Variants in RYR2 observed in about 807,000 individuals in gnomAD.
RYR2 encodes cardiac muscle ryanodine receptor-calcium release channel.
In RYR2, 227 loss-of-function variants were observed where a neutral mutation model predicts 601.1. The observed-to-expected ratio is 0.38, with a 90% CI of 0.34 to 0.42. The LOEUF is 0.42. Ranked by LOEUF, RYR2 falls within the 10% of genes least tolerant of loss-of-function variation. The probability of loss-of-function intolerance (pLI) is 1.00; values close to 1 mark genes in which losing one functional copy is unlikely to be tolerated. For synonymous variants in RYR2, 2,223 were observed against 2,175.1 expected (o/e 1.02, Z -0.61); for missense variants, 4,646 against 6,156.5 (o/e 0.75, Z 8.21).
intron 3 of RYR2, among the ~76,000 whole-genome samples, chr1:237,331,906 T>C (rs1696787178): frequency 6.6e-6 from 1 of 152,202 alleles, no homozygotes; most frequent in South Asian, 2.1e-4. Context: ...GTGACTGATA[T>C]CTGGGCTGTT....
intron 1 of RYR2, among the ~76,000 whole-genome samples, chr1:237,071,933 G>T (rs537696725): frequency 6.6e-6 from 1 of 152,242 alleles, no homozygotes; most frequent in Non-Finnish European, 1.5e-5. Flanking sequence ...TATACAGCTG[G>T]CCAGGTCGCG....
At chr1:237,449,050 G>A (rs2150185053) in intron 14 of RYR2, among the ~76,000 whole-genome samples, 1 of 152,116 alleles carries the variant, frequency 6.6e-6, no homozygotes, top group South Asian at 2.1e-4. Context: ...GGATAAAGAG[G>A]AGATACACAC....
In RYR2 at chr1:237,771,993, A is replaced by G; in HGVS notation, c.11558-19A>G. 3.5e-6 allele frequency: 5 copies of G among 1,412,184 alleles called. No individual in the cohort carries two copies. The highest frequency in any genetic ancestry group is 4.9e-6 in the Non-Finnish European group (5 of 1,021,770). The allele number at this position is 1,412,184 out of a possible 1,614,324, so 87.5% of individuals were successfully genotyped here. ...GAACTTCTGAGCAAGCATTAATAACATTTTTTTATCTTGCATAGATTTTCA... is the reference window on the plus strand; with the variant it reads ...GAACTTCTGAGCAAGCATTAATAACGTTTTTTTATCTTGCATAGATTTTCA... On this transcript the variant is annotated intron_variant, in intron 85 of 104. Transcript: ENST00000366574.
intron 3 of RYR2, among the ~76,000 whole-genome samples, chr1:237,354,076 C>G (rs1699089222): frequency 1.3e-5 from 2 of 152,180 alleles, no homozygotes; most frequent in Non-Finnish European, 2.9e-5. Flanking sequence ...GTTAGTCAGT[C>G]TTTTAACCCT....
chr1:237,711,551 T>C (rs1481625537), intron 70 of RYR2, among the ~76,000 whole-genome samples, 194 bp from the exon 71 acceptor site: 1 of 152,234 alleles, frequency 6.6e-6, no homozygotes, highest in Non-Finnish European at 1.5e-5. Flanking sequence ...CATATTCATA[T>C]CTAGTTCACA....
chr1:237,366,189 G>A (rs114685464), intron 5 of RYR2, among the ~76,000 whole-genome samples: 3,524 of 152,224 alleles, frequency 0.023, 81 homozygotes, highest in South Asian at 0.12. Context: ...TCTGCTGGTT[G>A]GTGCTAAACA....
chr1:237,662,207 G>T (rs1683869541), intron 56 of RYR2, among the ~76,000 whole-genome samples: 1 of 151,740 alleles, frequency 6.6e-6, no homozygotes, highest in Admixed American at 6.6e-5. Flanking sequence ...ATTGTCTTTG[G>T]GATGTATCAT....
rs756906888 is a variant in RYR2, at chr1:237,784,458, G to C, written c.12746G>C (p.Arg4249Thr). 1 of 1,613,630 alleles carries C rather than the reference G, an allele frequency of 6.2e-7. No homozygotes were observed. Among genetic ancestry groups the C allele is most frequent in the Non-Finnish European group, 8.5e-7 (1 of 1,179,760 alleles). Reference sequence around the variant, plus strand: ...GTCAGGTCGGCCCTGTTTGCGCTCAGGTACAATATCTTGACCCTTATGCGA... The same window carrying C: ...GTCAGGTCGGCCCTGTTTGCGCTCACGTACAATATCTTGACCCTTATGCGA... Reference protein sequence around the residue: ...LTVRSALFALRYNILTLMRML... With the variant: ...LTVRSALFALTYNILTLMRML... Residue 4249 changes from arginine (R) to threonine (T), a missense_variant, in exon 90 of 105, where the codon AGG (arginine) becomes ACG (threonine). Arg to Thr is a moderately conservative substitution (Grantham distance 71, BLOSUM62 -1). Coordinates refer to ENST00000366574, the MANE Select transcript of RYR2 (RefSeq NM_001035.3). This position sits in a 1 kb window ranked among gnomAD's most constrained non-coding sequence, Gnocchi z 7.1.
Position 237,564,417 on chromosome 1 carries a change from A to G in RYR2, c.3215-2150A>G, listed in dbSNP as rs542854205. ...CCCAAGTAGCTGGGATTACAGGCATATGCCACCAGGCCCTGATGATTTTTG... is the reference window on the plus strand; with the variant it reads ...CCCAAGTAGCTGGGATTACAGGCATGTGCCACCAGGCCCTGATGATTTTTG... On this transcript the variant is annotated intron_variant, in intron 27 of 104. Coordinates refer to ENST00000366574, the MANE Select transcript of RYR2 (RefSeq NM_001035.3). Among the ~76,000 whole-genome samples the G allele has an allele frequency of 2.0e-5, 3 of 152,096 alleles. No homozygotes were observed. The South Asian group carries it at 6.2e-4, about 32-fold the overall frequency.
At chr1:237,528,026 G>C (rs1416173966) in intron 24 of RYR2, among the ~76,000 whole-genome samples, 1 of 152,120 alleles carries the variant, frequency 6.6e-6, no homozygotes, top group African/African-American at 2.4e-5. Flanking sequence ...TTATCAGCTT[G>C]ATTGTCATGA....
At chr1:237,403,107 G>A (rs1317937471) in intron 10 of RYR2, among the ~76,000 whole-genome samples, 2 of 152,156 alleles carry the variant, frequency 1.3e-5, no homozygotes, top group Non-Finnish European at 2.9e-5. Context: ...CAGGTGCGTG[G>A]AGTAAAGGAA....
At chr1:237,472,278 C>T (rs1660815899) in intron 17 of RYR2, among the ~76,000 whole-genome samples, 1 of 152,174 alleles carries the variant, frequency 6.6e-6, no homozygotes, top group African/African-American at 2.4e-5. Context: ...GCTGAACACA[C>T]ACTCTCCTCA....
At chr1:237,287,761 G>T (rs1371939437) in intron 2 of RYR2, among the ~76,000 whole-genome samples, 1 of 152,008 alleles carries the variant, frequency 6.6e-6, no homozygotes, top group Non-Finnish European at 1.5e-5. Flanking sequence ...GCCTTTCTCT[G>T]GTCCCTCCTT....
chr1:237,628,456 T>A (rs1319672388), intron 41 of RYR2, among the ~76,000 whole-genome samples: 1 of 148,012 alleles, frequency 6.8e-6, no homozygotes, highest in Non-Finnish European at 1.5e-5. Flanking sequence ...CACCTATGAG[T>A]GAGAATATGC....
At chr1:237,680,609 T>C in intron 62 of RYR2, 32 bp downstream of exon 62, 1 of 1,554,822 alleles carries the variant, frequency 6.4e-7, no homozygotes, top group Non-Finnish European at 8.7e-7. Flanking sequence ...CACTGTTGTA[T>C]GACTTAGGTG....
chr1:237,308,612 C>A (rs12729598), intron 2 of RYR2, among the ~76,000 whole-genome samples: 1 of 151,804 alleles, frequency 6.6e-6, no homozygotes, highest in African/African-American at 2.4e-5. Flanking sequence ...CAGATGTGTT[C>A]GGAGTTTCTT....
chr1:237,492,370 T>C (rs943667709), intron 18 of RYR2, among the ~76,000 whole-genome samples: 4 of 152,326 alleles, frequency 2.6e-5, no homozygotes, highest in South Asian at 2.1e-4. Context: ...TTTTTTAGTG[T>C]TTATTCATAG....
At chr1:237,451,968 T>C (rs1658180827) in intron 14 of RYR2, among the ~76,000 whole-genome samples, 1 of 123,624 alleles carries the variant, frequency 8.1e-6, no homozygotes. Context: ...GTTGTGGTAG[T>C]ACTGTGTGTG....
At chr1:237,372,913 G>A (rs973816176) in intron 6 of RYR2, among the ~76,000 whole-genome samples, 6 of 152,204 alleles carry the variant, frequency 3.9e-5, no homozygotes, top group Admixed American at 3.9e-4. Flanking sequence ...ATAAGACCAA[G>A]TTCTTGCTCT....
Sources: gnomAD v4.1 joint callset for allele counts (sites outside exome capture counted in the v4.1 genomes callset) on GRCh38, gnomAD v4.1.1 for gene constraint, Gnocchi (gnomAD v3.1) non-coding constraint, MANE v1.5 for transcripts, NCBI Gene and HGNC (gene_info 2026-07-23, HGNC 2026-07-21) for gene names.